ULK4: variants seen among roughly 807,000 people sequenced by gnomAD.
The protein encoded by ULK4 is inactive serine/threonine-protein kinase ULK4.
Under a neutral mutation model 160.6 loss-of-function variants are expected in ULK4, and 133 were observed. That is an observed-to-expected ratio of 0.83 (90% CI 0.72 to 0.96). The LOEUF (loss-of-function observed/expected upper bound fraction) is 0.96. Among genes scored for constraint, ULK4 ranks in the 40% least tolerant of loss-of-function variants. ULK4 has a pLI of 0.00. For missense variants in ULK4, 1,580 were observed against 1,499.5 expected (o/e 1.05, Z -0.89); for synonymous variants, 534 against 539.8 (o/e 0.99, Z 0.15).
chr3:41,494,593 G>T (rs1356981177), intron 32 of ULK4, among the ~76,000 whole-genome samples: 3 of 152,044 alleles, frequency 2.0e-5, no homozygotes, highest in Non-Finnish European at 4.4e-5. Flanking sequence ...AATTAGGCAG[G>T]AGAAGGAAAT....
At chr3:41,824,464 C>A (rs1380362480) in intron 18 of ULK4, among the ~76,000 whole-genome samples, 1 of 152,144 alleles carries the variant, frequency 6.6e-6, no homozygotes, top group Non-Finnish European at 1.5e-5. Context: ...GTCACTCGCA[C>A]CCTAATACTG....
chr3:41,313,501 TG>T (rs1462481815), intron 35 of ULK4, among the ~76,000 whole-genome samples: 25 of 152,198 alleles, frequency 1.6e-4, no homozygotes, highest in African/African-American at 6.0e-4. Flanking sequence ...ATTTTTGCAT[TG>T]TTTTCTATTT....
At chr3:41,837,588 G>A (rs2041796695) in intron 17 of ULK4, among the ~76,000 whole-genome samples, 1 of 148,040 alleles carries the variant, frequency 6.8e-6, no homozygotes, top group South Asian at 2.1e-4. Context: ...TTTCCAGACA[G>A]AGTCTCACTC....
chr3:41,581,057 A>G (rs983566393), intron 31 of ULK4, among the ~76,000 whole-genome samples: 1 of 152,204 alleles, frequency 6.6e-6, no homozygotes, highest in African/African-American at 2.4e-5. Context: ...TTTTAGCACA[A>G]GACTGGCATC....
At position 41,696,053 on chromosome 3, in the gene ULK4, G is replaced by A. The variant is rs138200882; in HGVS notation, c.2781+9004C>T. Among the ~76,000 whole-genome samples, 66 of 152,306 alleles carry A rather than the reference G, an allele frequency of 4.3e-4. No individual in the cohort carries two copies. The East Asian group carries it at 0.012, about 28-fold the overall frequency. On this transcript the variant is annotated intron_variant, in intron 27 of 36. Transcript: ENST00000301831. ...CTGCCAAGCGGACCGTGGTCTAGCA[G>A]TAGCCTCAGTGTCAAGGAAAAACAC...
chr3:41,685,998 T>C (rs939414495), intron 27 of ULK4, among the ~76,000 whole-genome samples: 1 of 152,202 alleles, frequency 6.6e-6, no homozygotes, highest in Non-Finnish European at 1.5e-5. Flanking sequence ...AGCAAGAATA[T>C]ATATATGGAT....
chr3:41,403,871 C>G (rs532989126), intron 34 of ULK4, among the ~76,000 whole-genome samples: 3 of 152,068 alleles, frequency 2.0e-5, no homozygotes, highest in African/African-American at 7.2e-5. Flanking sequence ...AGTGTGTTTA[C>G]TTTTTAAATG....
intron 17 of ULK4, among the ~76,000 whole-genome samples, chr3:41,876,420 C>T (rs1376465061): frequency 6.6e-6 from 1 of 152,138 alleles, no homozygotes; most frequent in Admixed American, 6.5e-5. Context: ...TATGCCAACA[C>T]CAAGTATTCA....
intron 32 of ULK4, among the ~76,000 whole-genome samples, chr3:41,549,445 G>A (rs1201112354): frequency 1.3e-5 from 2 of 151,938 alleles, no homozygotes; most frequent in African/African-American, 4.8e-5. Context: ...TAAAGCAGAA[G>A]ACAGAATTTT....
chr3:41,486,561 G>A (rs2084542424), intron 32 of ULK4, among the ~76,000 whole-genome samples: 1 of 152,172 alleles, frequency 6.6e-6, no homozygotes, highest in African/African-American at 2.4e-5. Context: ...TTGTTGGCAT[G>A]GGGAGGAAGC....
intron 35 of ULK4, among the ~76,000 whole-genome samples, chr3:41,288,516 G>A (rs2079504424): frequency 6.6e-6 from 1 of 152,188 alleles, no homozygotes; most frequent in African/African-American, 2.4e-5. Flanking sequence ...GGTATGATGT[G>A]TGGAATTGCT....
intron 19 of ULK4, among the ~76,000 whole-genome samples, chr3:41,805,406 A>G (rs1201644360): frequency 6.6e-6 from 1 of 152,200 alleles, no homozygotes; most frequent in Admixed American, 6.5e-5. Flanking sequence ...GGTTTTCTAA[A>G]TATACAATCA....
chr3:41,939,817 G>A (rs981002055), intron 2 of ULK4, among the ~76,000 whole-genome samples: 1 of 152,140 alleles, frequency 6.6e-6, no homozygotes, highest in Non-Finnish European at 1.5e-5. Context: ...CAGATCAGCA[G>A]TGGCATTAGA....
intron 30 of ULK4, among the ~76,000 whole-genome samples, chr3:41,643,681 T>C (rs887066020): frequency 1.3e-4 from 20 of 152,216 alleles, no homozygotes; most frequent in African/African-American, 4.6e-4. Flanking sequence ...GCAGGCTCTT[T>C]TTTGGTTCCA....
chr3:41,911,324 G>T lies in ULK4; in HGVS notation c.1078C>A (p.Leu360Ile). Residue 360 changes from leucine (L) to isoleucine (I), a missense_variant, in exon 11 of 37, where the codon CTT (leucine) becomes ATT (isoleucine). Leu to Ile is a conservative substitution (Grantham distance 5). Transcript: ENST00000301831. The stretch of plus-strand genomic sequence containing the variant: ...TTTTTTCATTTTACCTACCTGAGAA[G>T]AAACATGGATTCATTCAATTGACCC... ...LEGQLNESMFLLSSRPTPRTS... is the reference protein window; with the variant it reads ...LEGQLNESMFILSSRPTPRTS... The T allele has an allele frequency of 6.2e-7, 1 of 1,613,602 alleles. No homozygotes were observed. Among genetic ancestry groups the T allele is most frequent in the Non-Finnish European group, 8.5e-7 (1 of 1,179,918 alleles).
intron 35 of ULK4, among the ~76,000 whole-genome samples, chr3:41,348,831 T>C (rs1050716032): frequency 4.6e-5 from 7 of 152,152 alleles, no homozygotes; most frequent in African/African-American, 1.7e-4. Flanking sequence ...ACAAACACGG[T>C]TTGGCTGCAC....
At chr3:41,557,117 G>A (rs1316279204) in intron 32 of ULK4, among the ~76,000 whole-genome samples, 1 of 151,910 alleles carries the variant, frequency 6.6e-6, no homozygotes, top group Non-Finnish European at 1.5e-5. Flanking sequence ...TAGATTCAAG[G>A]AAAAATCATT....
intron 27 of ULK4, among the ~76,000 whole-genome samples, chr3:41,685,068 T>C (rs542856232): frequency 6.6e-6 from 1 of 152,254 alleles, no homozygotes; most frequent in Admixed American, 6.5e-5. Flanking sequence ...GCACAGGGAA[T>C]AGTACTTTCT....
At chr3:41,521,443 C>CT (rs2085929617) in intron 32 of ULK4, among the ~76,000 whole-genome samples, 2 of 152,048 alleles carry the variant, frequency 1.3e-5, no homozygotes, top group Non-Finnish European at 2.9e-5. Flanking sequence ...TTCTCAAATT[C>CT]TTCAATTCCT....
Sources: gnomAD v4.1 joint callset for allele counts (sites outside exome capture counted in the v4.1 genomes callset) on GRCh38, gnomAD v4.1.1 for gene constraint, MANE v1.5 for transcripts, NCBI Gene and HGNC (gene_info 2026-07-23, HGNC 2026-07-21) for gene names.